The following TRDN variants were observed in gnomAD, a reference collection of about 807,000 sequenced individuals.
TRDN encodes triadin in skeletal muscle.
TRDN carries 161 observed loss-of-function variants against 149.7 expected under a neutral mutation model. The ratio of observed to expected loss-of-function variants is 1.08; its 90% CI spans 0.95 to 1.23. The LOEUF is 1.23. TRDN is among the 50% of genes most tolerant of loss of function. The pLI, the probability that TRDN is intolerant of heterozygous loss-of-function variation, is 0.00. For synonymous variants in TRDN, 294 were observed against 250.5 expected (o/e 1.17, Z -1.64); for missense variants, 896 against 823.5 (o/e 1.09, Z -1.08).
rs1472651663 is a variant in TRDN at position 123,496,287 on chromosome 6, T to G, written c.853+906A>C. On this transcript the variant is annotated intron_variant, in intron 9 of 40. Transcript: ENST00000334268. ...AGTGCAAAGGTTCTCATTGTCTAGT[T>G]TTCTAGAGCCTAGATGTGTTACCTA... is the stretch of plus-strand genomic sequence containing the variant. Among the ~76,000 whole-genome samples the G allele has an allele frequency of 2.0e-5, 3 of 151,576 alleles. No homozygotes were observed. The East Asian group carries it at 5.8e-4, about 29-fold the overall frequency.
chr6:123,286,753 G>A (rs951584812), intron 24 of TRDN, among the ~76,000 whole-genome samples: 1 of 152,096 alleles, frequency 6.6e-6, no homozygotes, highest in Non-Finnish European at 1.5e-5. Flanking sequence ...ATGTGGGGGA[G>A]TGTTGTGTGT....
intron 5 of TRDN, among the ~76,000 whole-genome samples, chr6:123,516,551 T>C (rs1049770513): frequency 2.6e-4 from 39 of 152,220 alleles, no homozygotes; most frequent in African/African-American, 8.9e-4. Context: ...TGATATTGGA[T>C]GAATGCTTGA....
chr6:123,472,676 G>A (rs1454402604), intron 9 of TRDN, among the ~76,000 whole-genome samples: 1 of 152,222 alleles, frequency 6.6e-6, no homozygotes, highest in Non-Finnish European at 1.5e-5. Context: ...AGACTTAAAT[G>A]TCCCTGTCTG....
intron 24 of TRDN, among the ~76,000 whole-genome samples, chr6:123,293,011 T>A (rs1287440513): frequency 6.6e-6 from 1 of 152,128 alleles, no homozygotes; most frequent in East Asian, 1.9e-4. Context: ...TCCTGTTTGC[T>A]CCCCTAGTTA....
In TRDN at chr6:123,259,496, T is replaced by C. The variant is rs1345463989; in HGVS notation, c.1870+128A>G. 2.7e-5 allele frequency: 17 copies of C among 629,810 alleles called. No homozygotes were observed. The Admixed American group carries it at 5.2e-4, about 19-fold the overall frequency. The allele number at this position is 629,810 out of a possible 1,614,324, so 39.0% of individuals were successfully genotyped here. A position where few individuals can be genotyped will look rare whatever the true frequency, so the allele number is the denominator to read the frequency against. On this transcript the variant is annotated intron_variant, in intron 35 of 40. Coordinates refer to ENST00000334268, the MANE Select transcript of TRDN (RefSeq NM_006073.4). ...ACTGTAATGTACTATAATTATGATA[T>C]GTGCTATAAAATCAGTGTCTTCATT...
chr6:123,365,060 C>T (rs1343344082), intron 20 of TRDN, among the ~76,000 whole-genome samples: 1 of 152,042 alleles, frequency 6.6e-6, no homozygotes, highest in African/African-American at 2.4e-5. Context: ...GATCACCTAG[C>T]TAAAAACTGA....
intron 19 of TRDN, among the ~76,000 whole-genome samples, chr6:123,374,142 A>G (rs1349308601): frequency 6.6e-6 from 1 of 152,180 alleles, no homozygotes; most frequent in Admixed American, 6.6e-5. Flanking sequence ...CTCTTATGAA[A>G]CTTATATTGT....
At chr6:123,221,401 G>T (rs1775143149) in intron 40 of TRDN, 86 bp downstream of exon 40, 1 of 968,558 alleles carries the variant, frequency 1.0e-6, no homozygotes, top group Non-Finnish European at 1.5e-6. Context: ...TCGAATACTG[G>T]TCTTAAGAGA....
intron 19 of TRDN, among the ~76,000 whole-genome samples, chr6:123,370,913 C>CT (rs58947175): frequency 0.2 from 26,087 of 131,118 alleles, 3,280 homozygotes; most frequent in East Asian, 0.65. Context: ...AGGTCTTTGT[C>CT]TTTTTTTTTT....
At chr6:123,287,797 C>A (rs1328374440) in intron 24 of TRDN, among the ~76,000 whole-genome samples, 2 of 151,820 alleles carry the variant, frequency 1.3e-5, no homozygotes, top group African/African-American at 4.8e-5. Flanking sequence ...CAAACAAAAT[C>A]AAATAATAGA....
At chr6:123,519,189 TG>T (rs1472318235) in intron 5 of TRDN, among the ~76,000 whole-genome samples, 30 of 152,304 alleles carry the variant, frequency 2.0e-4, no homozygotes, top group African/African-American at 7.0e-4. Context: ...TTCGGTATGC[TG>T]ATAATTAAAA....
intron 24 of TRDN, among the ~76,000 whole-genome samples, chr6:123,290,639 A>C (rs7763070): frequency 0.43 from 65,531 of 152,002 alleles, 15,427 homozygotes; most frequent in Admixed American, 0.56. Context: ...GTGTGGTTTA[A>C]AGTCTTAAAA....
At chr6:123,630,023 G>A (rs62419215) in intron 1 of TRDN, among the ~76,000 whole-genome samples, 2,496 of 152,060 alleles carry the variant, frequency 0.016, 40 homozygotes, top group South Asian at 0.041. Flanking sequence ...ATCCAGGGCA[G>A]GTGGGAACTG....
At chr6:123,260,510 G>C in intron 34 of TRDN, 102 bp downstream of exon 34, 1 of 1,248,348 alleles carries the variant, frequency 8.0e-7, no homozygotes, top group South Asian at 1.6e-5. Context: ...TCTGGAATTT[G>C]AGCAGCTAAG....
intron 10 of TRDN, among the ~76,000 whole-genome samples, chr6:123,449,277 AG>A (rs977713898): frequency 6.6e-6 from 1 of 152,230 alleles, no homozygotes; most frequent in Non-Finnish European, 1.5e-5. Flanking sequence ...CTAATCAGGG[AG>A]GCACCAGAGA....
intron 21 of TRDN, among the ~76,000 whole-genome samples, chr6:123,340,484 A>G (rs377670251): frequency 6.6e-6 from 1 of 152,070 alleles, no homozygotes; most frequent in East Asian, 1.9e-4. Flanking sequence ...CAAAAAAAGA[A>G]AGTGAAATTG....
Position 123,484,419 on chromosome 6 carries a change from C to A in TRDN, c.853+12774G>T, listed in dbSNP as rs1285764069. ...TAATTTTCTAGAGTTCTTTTTCAAT[C>A]TTCACTTGTGCATATAAACTAACAG... On this transcript the variant is annotated intron_variant, in intron 9 of 40. Coordinates refer to ENST00000334268, the MANE Select transcript of TRDN (RefSeq NM_006073.4). Among the ~76,000 whole-genome samples the A allele has an allele frequency of 2.0e-5, 3 of 152,136 alleles. No homozygotes were observed. In the East Asian group the frequency reaches 5.8e-4, roughly 29 times the overall value.
At chr6:123,307,870 T>C (rs1414350796) in intron 24 of TRDN, among the ~76,000 whole-genome samples, 1 of 152,070 alleles carries the variant, frequency 6.6e-6, no homozygotes, top group Non-Finnish European at 1.5e-5. Flanking sequence ...TTTCAACTTT[T>C]ATTTTAGATT....
chr6:123,595,760 T>C (rs186720577), intron 1 of TRDN, among the ~76,000 whole-genome samples: 50 of 152,186 alleles, frequency 3.3e-4, no homozygotes, highest in Middle Eastern at 3.4e-3. Flanking sequence ...TTTGCACCCA[T>C]TAATTGTTTA....
Sources: gnomAD v4.1 joint callset for allele counts (sites outside exome capture counted in the v4.1 genomes callset) on GRCh38, gnomAD v4.1.1 for gene constraint, MANE v1.5 for transcripts, NCBI Gene and HGNC (gene_info 2026-07-23, HGNC 2026-07-21) for gene names.